Variants in TTC29 observed in about 807,000 individuals in gnomAD.
TTC29 encodes tetratricopeptide repeat domain 29.
Under a neutral mutation model 58.1 loss-of-function variants are expected in TTC29, and 49 were observed. The ratio of observed to expected loss-of-function variants is 0.84; its 90% CI spans 0.67 to 1.07. The LOEUF (loss-of-function observed/expected upper bound fraction) is 1.07. TTC29 is among the 50% of genes least tolerant of loss of function. TTC29 has a pLI of 0.00. For missense variants in TTC29, 582 were observed against 555.6 expected (o/e 1.05, Z -0.48); for synonymous variants, 209 against 196.8 (o/e 1.06, Z -0.52).
rs1561046895 is a variant in TTC29, at chr4:146,708,336, A to ATG, written c.1331-786_1331-785insCA. Among the ~76,000 whole-genome samples, 35 of 76,386 alleles carry ATG rather than the reference A, an allele frequency of 4.6e-4. No individual in the cohort carries two copies. The East Asian group carries it at 0.012, about 27-fold the overall frequency. 50.1% of individuals were successfully genotyped at this position (76,386 alleles called of 152,430 possible). The stretch of plus-strand genomic sequence containing the variant: ...TATATATATATATATATATATATAT[A>ATG]TATATATATATATATATATACACAT... On this transcript the variant is annotated intron_variant, in intron 11 of 12. Transcript: ENST00000325106.
chr4:146,892,295 A>T (rs1419146649), intron 6 of TTC29, among the ~76,000 whole-genome samples: 1 of 152,086 alleles, frequency 6.6e-6, no homozygotes, highest in East Asian at 1.9e-4. Flanking sequence ...ACAGCCATGC[A>T]TCCTATACAG....
chr4:146,820,359 A>G lies in TTC29; in HGVS notation c.978-111T>C, dbSNP rs1336663198. 6.8e-6 allele frequency: 8 copies of G among 1,177,688 alleles called. No individual in the cohort carries two copies. The East Asian group carries it at 1.8e-4, about 26-fold the overall frequency. 73.0% of individuals were successfully genotyped at this position (1,177,688 alleles called of 1,614,324 possible). A position where few individuals can be genotyped will look rare whatever the true frequency, so the allele number is the denominator to read the frequency against. ...GAAAATGCAAGATGGTTATCAGGAT[A>G]ATAAGATTTAATGTGTAAATACCAA... On this transcript the variant is annotated intron_variant, in intron 9 of 12. Transcript: ENST00000325106.
At chr4:146,832,518 T>C (rs1185145549) in intron 9 of TTC29, among the ~76,000 whole-genome samples, 1 of 152,134 alleles carries the variant, frequency 6.6e-6, no homozygotes, top group Non-Finnish European at 1.5e-5. Flanking sequence ...TCGCTCTTGA[T>C]GCCCTGGCTG....
intron 8 of TTC29, among the ~76,000 whole-genome samples, chr4:146,863,821 T>C: frequency 6.6e-6 from 1 of 152,120 alleles, no homozygotes; most frequent in Non-Finnish European, 1.5e-5. Context: ...CAGTGGAAGA[T>C]CGATGTCTCT....
chr4:146,936,251 C>G (rs1735807639), intron 4 of TTC29, among the ~76,000 whole-genome samples: 2 of 152,050 alleles, frequency 1.3e-5, no homozygotes, highest in South Asian at 4.1e-4. Flanking sequence ...TTTGCATTGT[C>G]TTAGATAAAA....
At chr4:146,778,175 C>A (rs1748256439) in intron 11 of TTC29, among the ~76,000 whole-genome samples, 1 of 150,266 alleles carries the variant, frequency 6.7e-6, no homozygotes, top group Admixed American at 6.6e-5. Context: ...TCTGTCTATC[C>A]TGTTATTGTA....
rs191139688 is a variant in TTC29, at chr4:146,932,858, C to T, written c.176+4736G>A. ...GATCACAAGGTCAGGAGATAGAGAC[C>T]ATCCTGGCCAACATGGTGAAACCCC... On this transcript the variant is annotated intron_variant, in intron 4 of 12. Coordinates refer to ENST00000325106, the MANE Select transcript of TTC29 (RefSeq NM_031956.4). Among the ~76,000 whole-genome samples the T allele has an allele frequency of 8.2e-4, 125 of 152,082 alleles. 3 individuals are homozygous for T. The East Asian group carries it at 0.019, about 23-fold the overall frequency.
intron 11 of TTC29, among the ~76,000 whole-genome samples, chr4:146,798,285 G>T (rs969780798): frequency 6.6e-6 from 1 of 152,046 alleles, no homozygotes; most frequent in African/African-American, 2.4e-5. Context: ...GATAGGGTAG[G>T]GTTGAGGAAA....
chr4:146,828,459 T>G (rs1221603795), intron 9 of TTC29, among the ~76,000 whole-genome samples: 1 of 152,040 alleles, frequency 6.6e-6, no homozygotes, highest in Non-Finnish European at 1.5e-5. Context: ...TCTCTGAATA[T>G]CACTTCAAAA....
At chr4:146,745,035 A>T (rs556065867) in intron 11 of TTC29, among the ~76,000 whole-genome samples, 10 of 151,504 alleles carry the variant, frequency 6.6e-5, no homozygotes, top group African/African-American at 2.4e-4. Context: ...AGAACAAATA[A>T]TTCTGAACAT....
chr4:146,778,359 T>A (rs78952964), intron 11 of TTC29, among the ~76,000 whole-genome samples: 1 of 152,160 alleles, frequency 6.6e-6, no homozygotes, highest in African/African-American at 2.4e-5. Context: ...TAACTTCACT[T>A]TTGATTTTTT....
chr4:146,896,995 T>C (rs1732814657), intron 6 of TTC29, among the ~76,000 whole-genome samples: 1 of 152,176 alleles, frequency 6.6e-6, no homozygotes, highest in African/African-American at 2.4e-5. Context: ...TCTGGATTAA[T>C]GCTTAGTTTT....
chr4:146,727,857 A>AAGG (rs1743908499), intron 11 of TTC29, among the ~76,000 whole-genome samples: 1 of 152,242 alleles, frequency 6.6e-6, no homozygotes, highest in African/African-American at 2.4e-5. Flanking sequence ...AATAAATACG[A>AAGG]AGGAGCATAA....
chr4:146,756,125 T>G (rs1324902931), intron 11 of TTC29, among the ~76,000 whole-genome samples: 1 of 151,916 alleles, frequency 6.6e-6, no homozygotes, highest in African/African-American at 2.4e-5. Flanking sequence ...ATACAAAAAA[T>G]TAGCCAGGCG....
chr4:146,726,841 T>C lies in TTC29; in HGVS notation c.1331-19290A>G, dbSNP rs571736096. 2.1e-3 allele frequency among the ~76,000 whole-genome samples: 325 copies of C among 152,208 alleles called. 1 individual carries two copies. Among genetic ancestry groups the C allele is most frequent in the Non-Finnish European group, 3.5e-3 (241 of 67,976 alleles). ...AAAGAGTAAAGAAAATAATAGGCCC[T>C]AAGAATTCTGTAATTATTCTCTGTG... On this transcript the variant is annotated intron_variant, in intron 11 of 12. Transcript: ENST00000325106.
intron 6 of TTC29, among the ~76,000 whole-genome samples, chr4:146,886,174 A>G (rs1368403286): frequency 2.6e-5 from 4 of 151,864 alleles, no homozygotes; most frequent in African/African-American, 9.7e-5. Flanking sequence ...CTTTCTTTCA[A>G]TTTATTCAGC....
chr4:146,850,729 A>G (rs985584558), intron 8 of TTC29, among the ~76,000 whole-genome samples: 18 of 152,166 alleles, frequency 1.2e-4, no homozygotes, highest in African/African-American at 4.1e-4. Flanking sequence ...TTAAGAAGTA[A>G]TTTTGGCTTT....
Position 146,945,728 on chromosome 4 carries a change from G to C in TTC29, c.-73C>G, listed in dbSNP as rs930333156. ...ACGAACCTCGGTGCACTGGCCCAGG[G>C]AAACAACTCCAGTTTTCCGTTCCGC... On this transcript the variant is annotated 5_prime_UTR_variant, in exon 1 of 13. Coordinates refer to ENST00000325106, the MANE Select transcript of TTC29 (RefSeq NM_031956.4). The C allele has an allele frequency of 2.0e-5, 3 of 152,440 alleles. No individual in the cohort carries two copies. The highest frequency in any genetic ancestry group is 7.2e-5 in the African/African-American group (3 of 41,462). The allele number at this position is 152,440 out of a possible 1,614,324, so 9.4% of individuals were successfully genotyped here. A position where few individuals can be genotyped will look rare whatever the true frequency, so the allele number is the denominator to read the frequency against.
At chr4:146,804,192 T>C (rs1750436608) in intron 10 of TTC29, among the ~76,000 whole-genome samples, 1 of 152,172 alleles carries the variant, frequency 6.6e-6, no homozygotes. Context: ...GGGACTGTGC[T>C]GTGAGGAATG....
Sources: allele counts gnomAD v4.1 joint callset (sites outside exome capture counted in the v4.1 genomes callset), GRCh38; gene constraint gnomAD v4.1.1; transcripts MANE v1.5; gene names NCBI Gene and HGNC (gene_info 2026-07-23, HGNC 2026-07-21).